Variants in TACC1 observed in about 807,000 individuals in gnomAD.
TACC1 encodes the protein transforming acidic coiled-coil-containing protein 1.
TACC1 carries 48 observed loss-of-function variants against 84.4 expected under a neutral mutation model. The observed-to-expected ratio is 0.57, with a 90% CI of 0.45 to 0.72. The LOEUF is 0.72. Ranked by LOEUF, TACC1 falls within the 30% of genes least tolerant of loss-of-function variation. TACC1 has a pLI of 0.00. For synonymous variants in TACC1, 372 were observed against 376.3 expected (o/e 0.99, Z 0.13); for missense variants, 920 against 973.0 (o/e 0.95, Z 0.72).
At chr8:38,729,588 GC>G (rs1804520830) in intron 1 of TACC1, among the ~76,000 whole-genome samples, 1 of 152,212 alleles carries the variant, frequency 6.6e-6, no homozygotes, top group Non-Finnish European at 1.5e-5. Flanking sequence ...GTCTTGTGTG[GC>G]CGGGCGCGGT....
intron 2 of TACC1, among the ~76,000 whole-genome samples, chr8:38,803,122 A>G (rs1214053172): frequency 5.3e-5 from 8 of 152,210 alleles, no homozygotes; most frequent in Non-Finnish European, 8.8e-5. Context: ...ATTTTTACAC[A>G]TTGATCTTGC....
chr8:38,765,735 A>T (rs1159127724), intron 3 of TACC1, among the ~76,000 whole-genome samples: 2 of 152,242 alleles, frequency 1.3e-5, no homozygotes, highest in East Asian at 3.8e-4. Flanking sequence ...TTCTAAATGC[A>T]TGAAATCTGA....
rs546214418 is a variant in TACC1 at position 38,739,867 on chromosome 8, G to T, written c.-674-2484G>T. 6.9e-4 allele frequency among the ~76,000 whole-genome samples: 105 copies of T among 152,290 alleles called. 1 individual carries two copies. The highest frequency in any genetic ancestry group is 2.2e-3 in the African/African-American group (90 of 41,546). ...CAGGCTGTGATGCAGGAAAAACAAA[G>T]TTTCTGCCTGCCCCATGGGGAGCAC... On this transcript the variant is annotated intron_variant, in intron 1 of 14. Transcript: ENST00000518415.
chr8:38,750,557 C>T (rs1427752609), intron 3 of TACC1, among the ~76,000 whole-genome samples: 1 of 152,030 alleles, frequency 6.6e-6, no homozygotes, highest in Non-Finnish European at 1.5e-5. Context: ...GTATAGAAAA[C>T]CCTAAGAAAC....
intron 3 of TACC1, among the ~76,000 whole-genome samples, chr8:38,757,632 G>A (rs1166217651): frequency 6.6e-6 from 1 of 152,088 alleles, no homozygotes. Context: ...ACCGGATCGC[G>A]TCCGGGCGTG....
chr8:38,769,919 T>C (rs1017979183), intron 3 of TACC1, among the ~76,000 whole-genome samples: 8 of 139,688 alleles, frequency 5.7e-5, no homozygotes, highest in African/African-American at 2.2e-4. Flanking sequence ...GTGTGTGTGA[T>C]TGTGTGGTGT....
intron 9 of TACC1, chr8:38,840,537 C>T (rs1037534716): frequency 3.5e-6 from 1 of 289,186 alleles, no homozygotes; most frequent in Non-Finnish European, 6.5e-6. Flanking sequence ...TCCATGCCCA[C>T]TTTCACCCTG....
chr8:38,803,877 G>A (rs1031988475), intron 2 of TACC1, among the ~76,000 whole-genome samples: 10 of 152,168 alleles, frequency 6.6e-5, no homozygotes, highest in African/African-American at 9.7e-5. Flanking sequence ...GAATTCATCA[G>A]TCTGGTCCAG....
intron 5 of TACC1, among the ~76,000 whole-genome samples, chr8:38,829,502 C>T (rs936763735): frequency 6.6e-6 from 1 of 152,130 alleles, no homozygotes; most frequent in Non-Finnish European, 1.5e-5. Flanking sequence ...CTGCACATCC[C>T]TTCAGGTCTC....
chr8:38,746,178 A>G (rs760296162), intron 3 of TACC1, among the ~76,000 whole-genome samples: 3 of 152,192 alleles, frequency 2.0e-5, no homozygotes, highest in Non-Finnish European at 4.4e-5. Flanking sequence ...GCTCTCTATG[A>G]TGAAGTTTAA....
chr8:38,781,107 T>C (rs1172521408), intron 3 of TACC1, among the ~76,000 whole-genome samples: 1 of 152,194 alleles, frequency 6.6e-6, no homozygotes, highest in Non-Finnish European at 1.5e-5. Flanking sequence ...TAGCAGTGAA[T>C]CTGCTTTTGC....
At chr8:38,755,211 C>A (rs1046973286) in intron 3 of TACC1, among the ~76,000 whole-genome samples, 1 of 149,996 alleles carries the variant, frequency 6.7e-6, no homozygotes, top group Admixed American at 6.6e-5. Flanking sequence ...CTCCATTATG[C>A]GTTTTCTGAT....
Position 38,787,341 on chromosome 8 carries a change from C to G in TACC1, c.-242C>G. ...CGGGCGTCTTCCCGGCTAGTGGAGCCCGGCGCGGGGCCCGCTGCGGCCGCA... is the reference window on the plus strand; with the variant it reads ...CGGGCGTCTTCCCGGCTAGTGGAGCGCGGCGCGGGGCCCGCTGCGGCCGCA... On this transcript the variant is annotated 5_prime_UTR_variant, in exon 1 of 13. Transcript: ENST00000317827. 2.3e-6 allele frequency: 3 copies of G among 1,294,488 alleles called. No homozygotes were observed. The highest frequency in any genetic ancestry group is 2.9e-6 in the Non-Finnish European group (3 of 1,023,750). The allele number at this position is 1,294,488 out of a possible 1,614,324, so 80.2% of individuals were successfully genotyped here.
At chr8:38,742,187 G>T (rs1393766255) in intron 1 of TACC1, among the ~76,000 whole-genome samples, 1 of 152,206 alleles carries the variant, frequency 6.6e-6, no homozygotes, top group Non-Finnish European at 1.5e-5. Flanking sequence ...CCAGAATTTG[G>T]CATTGCTAGC....
In TACC1 at chr8:38,754,371, C is replaced by T. The variant is rs560643313; in HGVS notation, c.26+8878C>T. ...CAGAGAAGGAAAACTTTCCCATTCT[C>T]ACCCTTTTCTCCTGCCTCTCCCGCT... is the stretch of plus-strand genomic sequence containing the variant. On this transcript the variant is annotated intron_variant, in intron 3 of 14. Transcript: ENST00000518415. 3.6e-4 allele frequency among the ~76,000 whole-genome samples: 55 copies of T among 152,304 alleles called. 1 individual carries two copies. The highest frequency in any genetic ancestry group is 1.4e-3 in the Admixed American group (22 of 15,292).
chr8:38,769,846 G>T (rs111205519), intron 3 of TACC1, among the ~76,000 whole-genome samples: 1 of 149,094 alleles, frequency 6.7e-6, no homozygotes, highest in Non-Finnish European at 1.5e-5. Flanking sequence ...TATGGGTTAG[G>T]GGTGTGGTGT....
chr8:38,746,660 G>C (rs544021412), intron 3 of TACC1, among the ~76,000 whole-genome samples: 3 of 152,054 alleles, frequency 2.0e-5, no homozygotes, highest in Admixed American at 2.0e-4. Flanking sequence ...CCACTTGGCT[G>C]TTAACTCCAT....
chr8:38,813,201 GA>G lies in TACC1; in HGVS notation c.278-6320del, dbSNP rs150491788. ...CCACCTTGATCCACATTCCTCTAAG[GA>G]CGTCCATTTTTGTTCACAATTTTTT... On this transcript the variant is annotated intron_variant, in intron 2 of 12. Coordinates refer to ENST00000317827, the MANE Select transcript of TACC1 (RefSeq NM_006283.3). Among the ~76,000 whole-genome samples the G allele has an allele frequency of 3.3e-5, 5 of 152,138 alleles. No homozygotes were observed. In the East Asian group the frequency reaches 9.6e-4, roughly 29 times the overall value.
chr8:38,782,379 C>T (rs1282900226), upstream of TACC1, among the ~76,000 whole-genome samples: 1 of 152,082 alleles, frequency 6.6e-6, no homozygotes, highest in African/African-American at 2.4e-5. Flanking sequence ...CATAGTATTC[C>T]ATGGTGTATA....
Sources: allele counts gnomAD v4.1 joint callset (sites outside exome capture counted in the v4.1 genomes callset), GRCh38; gene constraint gnomAD v4.1.1; transcripts MANE v1.5; gene names NCBI Gene and HGNC (gene_info 2026-07-23, HGNC 2026-07-21).